The following RBM47 variants were observed in gnomAD, a reference collection of about 807,000 sequenced individuals.
RBM47 encodes the protein RNA binding motif protein 47.
Under a neutral mutation model 47.1 loss-of-function variants are expected in RBM47, and 21 were observed. The ratio of observed to expected loss-of-function variants is 0.45; its 90% CI spans 0.32 to 0.64. RBM47 has a LOEUF of 0.64. Among genes scored for constraint, RBM47 ranks in the 30% least tolerant of loss-of-function variants. RBM47 has a pLI of 0.05. For missense variants in RBM47, 708 were observed against 870.9 expected (o/e 0.81, Z 2.35); for synonymous variants, 375 against 361.7 (o/e 1.04, Z -0.42).
intron 3 of RBM47, among the ~76,000 whole-genome samples, chr4:40,461,068 G>C (rs1426431877): frequency 6.6e-6 from 1 of 152,034 alleles, no homozygotes; most frequent in African/African-American, 2.4e-5. Flanking sequence ...CTTAAATTAA[G>C]AATGGAAATG....
chr4:40,623,115 C>G (rs1737416714), intron 1 of RBM47, among the ~76,000 whole-genome samples: 1 of 152,126 alleles, frequency 6.6e-6, no homozygotes, highest in South Asian at 2.1e-4. Context: ...CCTGCAGTTC[C>G]CACCGGAGAA....
intron 2 of RBM47, among the ~76,000 whole-genome samples, chr4:40,472,431 A>G (rs1719041645): frequency 6.6e-6 from 1 of 152,154 alleles, no homozygotes; most frequent in African/African-American, 2.4e-5. Flanking sequence ...AAAATTAGCC[A>G]GGCATGGTGG....
intron 1 of RBM47, among the ~76,000 whole-genome samples, chr4:40,586,031 C>T (rs1265333480): frequency 6.6e-6 from 1 of 152,158 alleles, no homozygotes; most frequent in Admixed American, 6.5e-5. Context: ...GCTACTCAGC[C>T]CGAGTGTTAC....
In RBM47 at chr4:40,429,688, CAAAAAAAAAAAA is replaced by C. The variant is rs60673202; in HGVS notation, c.1542+2951_1542+2962del. On this transcript the variant is annotated intron_variant, in intron 6 of 6. Coordinates refer to ENST00000295971, the MANE Select transcript of RBM47 (RefSeq NM_001098634.2). Reference sequence around the variant, plus strand: ...TGGGTGACAAAGTGAGACTCCATCTCAAAAAAAAAAAAAAAAAAAAAAAAAAAAAGTGCCTCT... The same window carrying C: ...TGGGTGACAAAGTGAGACTCCATCTCAAAAAAAAAAAAAAAAAGTGCCTCT... Among the ~76,000 whole-genome samples the C allele has an allele frequency of 8.4e-3, 321 of 38,106 alleles. 1 individual carries two copies. The highest frequency in any genetic ancestry group is 0.011 in the Non-Finnish European group (275 of 25,038). The allele number at this position is 38,106 out of a possible 152,430, so 25.0% of individuals were successfully genotyped here. A position where few individuals can be genotyped will look rare whatever the true frequency, so the allele number is the denominator to read the frequency against.
intron 6 of RBM47, among the ~76,000 whole-genome samples, chr4:40,431,502 CA>C (rs1293545003): frequency 9.2e-5 from 14 of 151,650 alleles, no homozygotes; most frequent in Admixed American, 7.2e-4. Context: ...ACTAAAAATA[CA>C]AAAAATTAGC....
At chr4:40,541,791 G>A (rs1728571605) in intron 2 of RBM47, among the ~76,000 whole-genome samples, 1 of 152,106 alleles carries the variant, frequency 6.6e-6, no homozygotes, top group Non-Finnish European at 1.5e-5. Flanking sequence ...ACTAAGGTTT[G>A]AAACCTGAGA....
chr4:40,442,840 A>G (rs1164279715), intron 3 of RBM47, among the ~76,000 whole-genome samples: 1 of 151,944 alleles, frequency 6.6e-6, no homozygotes, highest in East Asian at 1.9e-4. Context: ...CGCCCAGCTA[A>G]TTTTTGTATT....
chr4:40,511,332 T>C (rs972351001), intron 2 of RBM47, among the ~76,000 whole-genome samples: 4 of 152,180 alleles, frequency 2.6e-5, no homozygotes, highest in African/African-American at 9.6e-5. Flanking sequence ...CCTATTATTG[T>C]CCCCAGAAAT....
intron 1 of RBM47, among the ~76,000 whole-genome samples, chr4:40,590,310 G>C (rs1008223101): frequency 2.0e-5 from 3 of 152,034 alleles, no homozygotes; most frequent in African/African-American, 7.3e-5. Flanking sequence ...CAGGAGGATT[G>C]CTTGAGCCCA....
chr4:40,556,041 T>C (rs573427308), intron 1 of RBM47, among the ~76,000 whole-genome samples: 28 of 150,932 alleles, frequency 1.9e-4, no homozygotes, highest in African/African-American at 6.6e-4. Context: ...GATCTTCTTT[T>C]TTTTTTTTTT....
At chr4:40,618,328 A>T (rs1166758207) in intron 1 of RBM47, among the ~76,000 whole-genome samples, 2 of 152,176 alleles carry the variant, frequency 1.3e-5, no homozygotes, top group African/African-American at 2.4e-5. Context: ...CAGGAGGCTG[A>T]GGCAGGAGGA....
intron 2 of RBM47, among the ~76,000 whole-genome samples, chr4:40,519,391 G>A (rs1161424667): frequency 6.9e-6 from 1 of 144,298 alleles, no homozygotes; most frequent in Non-Finnish European, 1.5e-5. Context: ...TCTGCCTCCC[G>A]GGTTCAAGCG....
chr4:40,580,875 T>A (rs1732829598), intron 1 of RBM47, among the ~76,000 whole-genome samples: 1 of 152,232 alleles, frequency 6.6e-6, no homozygotes, highest in South Asian at 2.1e-4. Flanking sequence ...ATATTTGTGC[T>A]GAGAGTTGAA....
chr4:40,557,681 G>A (rs776774108), intron 1 of RBM47, among the ~76,000 whole-genome samples: 31 of 152,056 alleles, frequency 2.0e-4, no homozygotes, highest in Non-Finnish European at 3.1e-4. Context: ...CCCAGGAGGC[G>A]GAGGTTGCAG....
At chr4:40,529,581 C>G (rs1376475459) in intron 2 of RBM47, among the ~76,000 whole-genome samples, 1 of 142,210 alleles carries the variant, frequency 7.0e-6, no homozygotes, top group Admixed American at 7.2e-5. Context: ...CACCTGTAAT[C>G]CCAGCATTTT....
intron 1 of RBM47, among the ~76,000 whole-genome samples, chr4:40,588,810 A>G (rs188330471): frequency 5.9e-4 from 90 of 152,100 alleles, no homozygotes; most frequent in Admixed American, 2.4e-3. Context: ...AGCAGGAGCA[A>G]CAAGGAGAGA....
intron 2 of RBM47, among the ~76,000 whole-genome samples, chr4:40,519,401 G>A (rs1191560413): frequency 1.4e-5 from 2 of 148,110 alleles, no homozygotes; most frequent in Non-Finnish European, 3.0e-5. Context: ...GGGTTCAAGC[G>A]AATCTCCTGC....
intron 4 of RBM47, 100 bp from the exon 5 acceptor site, chr4:40,436,747 A>C: frequency 8.9e-7 from 1 of 1,127,298 alleles, no homozygotes; most frequent in East Asian, 2.4e-5. Context: ...CCCAGTCTTA[A>C]TTGCAGGTGG....
At chr4:40,494,383 A>C (rs1054802828) in intron 2 of RBM47, among the ~76,000 whole-genome samples, 1 of 152,194 alleles carries the variant, frequency 6.6e-6, no homozygotes, top group African/African-American at 2.4e-5. Flanking sequence ...CTTGGTGAAA[A>C]CAAGAAATGA....
Sources: gnomAD v4.1 joint callset for allele counts (sites outside exome capture counted in the v4.1 genomes callset) on GRCh38, gnomAD v4.1.1 for gene constraint, MANE v1.5 for transcripts, NCBI Gene and HGNC (gene_info 2026-07-23, HGNC 2026-07-21) for gene names.